MYOM2: variants seen among roughly 807,000 people sequenced by gnomAD.
The protein encoded by MYOM2 is myomesin-2.
MYOM2 carries 254 observed loss-of-function variants against 187.6 expected under a neutral mutation model. The observed-to-expected ratio is 1.35, with a 90% confidence interval of 1.22 to 1.50. The LOEUF is 1.50. Among genes scored for constraint, MYOM2 ranks in the 40% most tolerant of loss-of-function variants. The pLI is 0.00. For missense variants in MYOM2, 2,796 were observed against 1,924.0 expected (o/e 1.45, Z -8.48); for synonymous variants, 981 against 753.8 (o/e 1.30, Z -4.94).
intron 1 of MYOM2, among the ~76,000 whole-genome samples, chr8:2,049,550 A>C (rs1818416471): frequency 6.6e-6 from 1 of 152,148 alleles, no homozygotes; most frequent in Non-Finnish European, 1.5e-5. Flanking sequence ...TTTCCACCCA[A>C]GTCTCATACC....
At chr8:2,135,512 A>G (rs1015743462) in intron 32 of MYOM2, among the ~76,000 whole-genome samples, 1 of 152,058 alleles carries the variant, frequency 6.6e-6, no homozygotes, top group African/African-American at 2.4e-5. Flanking sequence ...CTCCCTGCTC[A>G]CCTGCCCCCG....
chr8:2,101,716 G>T (rs568053382), intron 20 of MYOM2, among the ~76,000 whole-genome samples: 2 of 152,180 alleles, frequency 1.3e-5, no homozygotes, highest in African/African-American at 4.8e-5. Flanking sequence ...TTTCCAAAGG[G>T]ATGGTGCCTA....
In MYOM2 at chr8:2,073,343, G is replaced by C. The variant is rs777413904; in HGVS notation, c.963G>C (p.Val321=). The C allele has an allele frequency of 6.2e-7, 1 of 1,604,534 alleles. No individual in the cohort carries two copies. The stretch of plus-strand genomic sequence containing the variant: ...TCCGTGTTAACGCTCTTTCAGACGT[G>C]CTGTTGAAAGAGTCCAAGTGGACGA... The part of the protein sequence containing the change: ...QPRAEWYRDD[V]LLKESKWTKM... Residue 321 remains valine (V), a synonymous_variant, in exon 10 of 37, where the codon GTG becomes GTC. Coordinates refer to ENST00000262113, the MANE Select transcript of MYOM2 (RefSeq NM_003970.4).
At chr8:2,124,298 A>G (rs1797559952) in intron 31 of MYOM2, 81 bp downstream of exon 31, 1 of 1,391,100 alleles carries the variant, frequency 7.2e-7, no homozygotes. Context: ...ACTGCTGCAA[A>G]AGAGGGCACC....
chr8:2,142,908 A>G (rs1392126739), intron 35 of MYOM2, among the ~76,000 whole-genome samples: 1 of 151,786 alleles, frequency 6.6e-6, no homozygotes, highest in African/African-American at 2.4e-5. Flanking sequence ...GGCACCCGCC[A>G]TCATGCCCGG....
chr8:2,046,499 G>C (rs1818315777), intron 1 of MYOM2, among the ~76,000 whole-genome samples: 1 of 152,146 alleles, frequency 6.6e-6, no homozygotes, highest in Non-Finnish European at 1.5e-5. Flanking sequence ...TATTTCCCTG[G>C]GGACGGTCTG....
chr8:2,054,216 T>A (rs1818583532), intron 3 of MYOM2, among the ~76,000 whole-genome samples: 1 of 152,338 alleles, frequency 6.6e-6, no homozygotes, highest in South Asian at 2.1e-4. Context: ...GGCTCACTGA[T>A]GTGAGTTACT....
chr8:2,136,637 GC>G (rs146150125), intron 32 of MYOM2, among the ~76,000 whole-genome samples: 19,790 of 152,092 alleles, frequency 0.13, 2,173 homozygotes, highest in African/African-American at 0.28. Flanking sequence ...GTGCAGTGGG[GC>G]CCTTATCTCC....
rs769458134 is a variant in MYOM2, at chr8:2,090,184, T to C, written c.1821T>C (p.Asp607=). Residue 607 remains aspartate, a synonymous_variant, in exon 15 of 37, where the codon GAT becomes GAC. Transcript: ENST00000262113. ...SEITSPIQAQ[D]VTVVPSAPGR... ...TAACGTCCCCCATTCAGGCCCAGGA[T>C]GTGACCGGTGAGCTGTCACACTGGG... The C allele has an allele frequency of 5.6e-6, 9 of 1,612,662 alleles. No individual in the cohort carries two copies. Among genetic ancestry groups the C allele is most frequent in the African/African-American group, 1.3e-5 (1 of 74,916 alleles).
intron 15 of MYOM2, 112 bp from the exon 16 acceptor site, chr8:2,092,234 C>G (rs959150277): frequency 7.6e-7 from 1 of 1,314,518 alleles, no homozygotes; most frequent in African/African-American, 1.5e-5. Flanking sequence ...GAATTTCTTC[C>G]AAAGCCCCCA....
chr8:2,072,266 T>G, intron 8 of MYOM2, 79 bp from the exon 9 acceptor site: 1 of 953,894 alleles, frequency 1.0e-6, no homozygotes, highest in Non-Finnish European at 1.4e-6. Flanking sequence ...AGATGCTCTC[T>G]GCCCTTCGGC....
intron 13 of MYOM2, among the ~76,000 whole-genome samples, chr8:2,082,702 G>A (rs764971838): frequency 2.6e-5 from 4 of 152,164 alleles, no homozygotes; most frequent in African/African-American, 4.8e-5. Flanking sequence ...TAATAAGAGC[G>A]TTTTTACTCT....
Position 2,052,158 on chromosome 8 carries a change from G to T in MYOM2, c.108G>T (p.Lys36Asn). The change falls in exon 3 of 37, where the codon AAG (lysine) becomes AAT (asparagine). Residue 36 changes from lysine (K) to asparagine (N), a missense_variant and splice_region_variant. Transcript: ENST00000262113. Reference protein sequence around the residue: ...RYLLDEYASKKRASTQASSQK... With the variant: ...RYLLDEYASKNRASTQASSQK... ...CCTAATCGTGTCCATGTTCCTGAAG[G>T]CGAGCTTCCACCCAGGCATCTTCCC... is the stretch of plus-strand genomic sequence containing the variant. The T allele has an allele frequency of 6.2e-7, 1 of 1,613,072 alleles. No individual in the cohort carries two copies. The highest frequency in any genetic ancestry group is 8.5e-7 in the Non-Finnish European group (1 of 1,179,614).
chr8:2,048,433 C>A (rs1046849915), intron 1 of MYOM2, among the ~76,000 whole-genome samples: 1 of 152,250 alleles, frequency 6.6e-6, no homozygotes, highest in Non-Finnish European at 1.5e-5. Context: ...TCCCAGTGAG[C>A]TGCATCTGGG....
At chr8:2,103,870 T>C (rs752018608) in intron 21 of MYOM2, among the ~76,000 whole-genome samples, 2 of 152,096 alleles carry the variant, frequency 1.3e-5, no homozygotes, top group Non-Finnish European at 2.9e-5. Flanking sequence ...TACAGGTATA[T>C]GGATAAATGA....
chr8:2,092,812 C>G (rs1451704099), intron 16 of MYOM2, among the ~76,000 whole-genome samples: 1 of 152,110 alleles, frequency 6.6e-6, no homozygotes, highest in Non-Finnish European at 1.5e-5. Flanking sequence ...CTTTGAATAG[C>G]AGAGTTAAAA....
Position 2,101,100 on chromosome 8 carries a change from C to T in MYOM2, c.2619+46C>T, listed in dbSNP as rs375997590. 26 of 1,593,660 alleles carry T rather than the reference C, an allele frequency of 1.6e-5. No individual in the cohort carries two copies. The South Asian group carries it at 2.6e-4, about 16-fold the overall frequency. ...GTGGCTCATGCCTGTAATCCCAGCA[C>T]TTTGGGAGGTAAAGGCGGGCCAATC... On this transcript the variant is annotated intron_variant, in intron 20 of 36. Transcript: ENST00000262113.
At position 2,099,580 on chromosome 8, in the gene MYOM2, C is replaced by T. The variant is rs184015893; in HGVS notation, c.2440+597C>T. On this transcript the variant is annotated intron_variant, in intron 19 of 36. Coordinates refer to ENST00000262113, the MANE Select transcript of MYOM2 (RefSeq NM_003970.4). ...GTTGCAGACCTGCATTTATTTAGCT[C>T]GCACTCTACTGGTTTTTTGTTTTGA... Among the ~76,000 whole-genome samples the T allele has an allele frequency of 2.7e-3, 415 of 152,206 alleles. 1 individual carries two copies. Among genetic ancestry groups the T allele is most frequent in the African/African-American group, 9.6e-3 (400 of 41,518 alleles).
chr8:2,085,516 C>CCCCCCACTGTTGTGAT, intron 14 of MYOM2, 126 bp downstream of exon 14: 1 of 649,118 alleles, frequency 1.5e-6, no homozygotes, highest in African/African-American at 2.8e-5. Flanking sequence ...CTCCGCGTGG[C>CCCCCCACTGTTGTGAT]CCCCCACTGT....
Sources: gnomAD v4.1 joint callset for allele counts (sites outside exome capture counted in the v4.1 genomes callset) on GRCh38, gnomAD v4.1.1 for gene constraint, MANE v1.5 for transcripts, NCBI Gene and HGNC (gene_info 2026-07-23, HGNC 2026-07-21) for gene names.